The following ZNF474 variants were observed in gnomAD, a reference collection of about 807,000 sequenced individuals.
ZNF474 encodes the protein zinc finger protein 474.
For synonymous variants in ZNF474, 192 were observed against 162.2 expected, an observed-to-expected ratio of 1.18 and a Z score of -1.39; for missense variants, 511 against 433.8, an observed-to-expected ratio of 1.18 and a Z score of -1.58.
intron 1 of ZNF474, among the ~76,000 whole-genome samples, chr5:122,150,531 A>G (rs548553671): frequency 6.6e-6 from 1 of 152,252 alleles, no homozygotes; most frequent in Admixed American, 6.5e-5. Context: ...GTTTGCCGTG[A>G]TGTAGAGGAT....
chr5:122,134,837 G>GA (rs1272111384), intron 1 of ZNF474, among the ~76,000 whole-genome samples: 3 of 152,048 alleles, frequency 2.0e-5, no homozygotes, highest in Non-Finnish European at 2.9e-5. Context: ...TCTCTCCATA[G>GA]AAAAAAATCA....
At chr5:122,141,767 C>T (rs772477890) in intron 1 of ZNF474, among the ~76,000 whole-genome samples, 7 of 152,172 alleles carry the variant, frequency 4.6e-5, no homozygotes, top group Non-Finnish European at 8.8e-5. Flanking sequence ...CTTTTGGGGG[C>T]AGTAGGAGAG....
In ZNF474 at chr5:122,152,581, A is replaced by G. The variant is rs776551857; in HGVS notation, c.591A>G (p.Pro197=). 6.2e-7 allele frequency: 1 copy of G among 1,614,202 alleles called. No individual in the cohort carries two copies. The highest frequency in any genetic ancestry group is 1.1e-5 in the South Asian group (1 of 91,080). The change falls in exon 2 of 2, where the codon CCA becomes CCG. Residue 197 remains proline, a synonymous_variant. Transcript: ENST00000296600. The part of the protein sequence containing the change: ...CKPKGEGPRA[P]HSNSSDHLTG... ...CAAAGGGTGAGGGTCCCAGAGCACC[A>G]CACTCAAACAGTTCTGATCATCTTA... is the stretch of plus-strand genomic sequence containing the variant.
chr5:122,149,340 T>A (rs1238676869), intron 1 of ZNF474, among the ~76,000 whole-genome samples: 1 of 152,160 alleles, frequency 6.6e-6, no homozygotes, highest in African/African-American at 2.4e-5. Flanking sequence ...AACATTGTGT[T>A]CCATAGCCCC....
chr5:122,139,603 T>C (rs1033144559), intron 1 of ZNF474, among the ~76,000 whole-genome samples: 5 of 152,174 alleles, frequency 3.3e-5, no homozygotes, highest in African/African-American at 1.2e-4. Flanking sequence ...TTCCATATAA[T>C]TATGGTACTA....
At position 122,153,001 on chromosome 5, in the gene ZNF474, C is replaced by T. The variant is rs1165540829; in HGVS notation, c.1011C>T (p.Asn337=). ...ACACTAATTCCAAGCAGCAAAGGAA[C>T]AGGGCAGCACCCAGTGTAACTGATA... ...KEYTNSKQQR[N]RAAPSVTDKV... is the part of the protein sequence containing the mutation. Residue 337 remains asparagine (N), a synonymous_variant, in exon 2 of 2, where the codon AAC becomes AAT. Coordinates refer to ENST00000296600, the MANE Select transcript of ZNF474 (RefSeq NM_207317.3). 6.2e-7 allele frequency: 1 copy of T among 1,614,102 alleles called. No homozygotes were observed. The highest frequency in any genetic ancestry group is 2.2e-5 in the East Asian group (1 of 44,870).
At chr5:122,131,835 T>A (rs891628994) in intron 1 of ZNF474, among the ~76,000 whole-genome samples, 1 of 152,114 alleles carries the variant, frequency 6.6e-6, no homozygotes, top group African/African-American at 2.4e-5. Context: ...CATTTAACAT[T>A]TTTTCTTTTT....
rs1756225501 is a variant in ZNF474, at chr5:122,152,699, C to T, written c.709C>T (p.Pro237Ser). The T allele has an allele frequency of 6.2e-7, 1 of 1,614,178 alleles. No individual in the cohort carries two copies. Among genetic ancestry groups the T allele is most frequent in the Non-Finnish European group, 8.5e-7 (1 of 1,180,044 alleles). ...CGKEFGTLSL[P>S]IHEPKCLEKW... The stretch of plus-strand genomic sequence containing the variant: ...TAAGGAATTTGGCACCCTGTCCCTT[C>T]CTATTCATGAGCCCAAATGCCTGGA... Residue 237 changes from proline to serine, a missense_variant, in exon 2 of 2, where the codon CCT becomes TCT. Physicochemically the swap from Pro to Ser is moderately conservative, Grantham distance 74 (BLOSUM62 -1). Coordinates refer to ENST00000296600, the MANE Select transcript of ZNF474 (RefSeq NM_207317.3).
At chr5:122,132,177 T>G (rs187267707) in intron 1 of ZNF474, among the ~76,000 whole-genome samples, 1 of 152,260 alleles carries the variant, frequency 6.6e-6, no homozygotes, top group Non-Finnish European at 1.5e-5. Context: ...TCATTTGTAT[T>G]GTGAAACAAT....
In ZNF474 at chr5:122,152,089, C is replaced by T. The variant is rs760148728; in HGVS notation, c.99C>T (p.Leu33=). The change falls in exon 2 of 2, where the codon CTC becomes CTT. Residue 33 remains leucine, a synonymous_variant. Transcript: ENST00000296600. ...TCCTTATCAACCAAGCTGGGCTTCT[C>T]TCTAGTGACTCCTATTCTAGCCTTT... ...PTFLINQAGL[L]SSDSYSSLSP... The T allele has an allele frequency of 8.7e-6, 14 of 1,614,208 alleles. No homozygotes were observed. Among genetic ancestry groups the T allele is most frequent in the Non-Finnish European group, 1.2e-5 (14 of 1,180,032 alleles).
chr5:122,142,946 T>G (rs1755886690), intron 1 of ZNF474, among the ~76,000 whole-genome samples: 1 of 152,152 alleles, frequency 6.6e-6, no homozygotes, highest in Non-Finnish European at 1.5e-5. Context: ...CCAGCCTGCC[T>G]TATGGACTCT....
rs185030574 is a variant in ZNF474 at position 122,134,511 on chromosome 5, G to A, written c.-213+4828G>A. ...CCAAATGGTAAATAGTTAAGGGCTC[G>A]TAAGCCATACACTCTGCCATTGTAG... On this transcript the variant is annotated intron_variant, in intron 1 of 1. Coordinates refer to ENST00000296600, the MANE Select transcript of ZNF474 (RefSeq NM_207317.3). 3.3e-3 allele frequency among the ~76,000 whole-genome samples: 501 copies of A among 152,306 alleles called. 4 individuals are homozygous for A. The highest frequency in any genetic ancestry group is 0.011 in the African/African-American group (475 of 41,562).
rs759139646 is a variant in ZNF474, at chr5:122,152,163, C to A, written c.173C>A (p.Thr58Asn). The A allele has an allele frequency of 2.5e-5, 41 of 1,614,040 alleles. No individual in the cohort carries two copies. The highest frequency in any genetic ancestry group is 3.3e-4 in the Middle Eastern group (2 of 6,084). Residue 58 changes from threonine to asparagine, a missense_variant, in exon 2 of 2, where the codon ACT becomes AAT. Thr to Asn is a moderately conservative substitution (Grantham distance 65). Transcript: ENST00000296600. ...VNPGENIKTD[T>N]QKKRPGTVIL... is the part of the protein sequence containing the mutation. Reference sequence around the variant, plus strand: ...CCTGGTGAAAATATAAAGACAGACACTCAGAAAAAGAGACCTGGGACTGTG... The same window carrying A: ...CCTGGTGAAAATATAAAGACAGACAATCAGAAAAAGAGACCTGGGACTGTG...
At chr5:122,143,966 C>CT (rs2152605449) in intron 1 of ZNF474, among the ~76,000 whole-genome samples, 1 of 152,112 alleles carries the variant, frequency 6.6e-6, no homozygotes, top group East Asian at 1.9e-4. Flanking sequence ...TTGTGTTTTC[C>CT]TTTTTTTCTT....
chr5:122,152,804 G>A lies in ZNF474; in HGVS notation c.814G>A (p.Ala272Thr), dbSNP rs1580612591. ...LPQKPQPLPNAQSSQAGPNQA... is the reference protein window; with the variant it reads ...LPQKPQPLPNTQSSQAGPNQA... ...ACAGAAGCCTCAGCCCCTTCCGAAT[G>A]CACAGTCCAGCCAAGCGGGACCAAA... The change falls in exon 2 of 2, where the codon GCA becomes ACA. Residue 272 changes from alanine to threonine, a missense_variant. Ala to Thr is a moderately conservative substitution (Grantham distance 58, BLOSUM62 0). Coordinates refer to ENST00000296600, the MANE Select transcript of ZNF474 (RefSeq NM_207317.3). The A allele has an allele frequency of 6.2e-7, 1 of 1,614,128 alleles. No homozygotes were observed. Among genetic ancestry groups the A allele is most frequent in the Non-Finnish European group, 8.5e-7 (1 of 1,180,018 alleles).
Position 122,152,785 on chromosome 5 carries a change from G to A in ZNF474, c.795G>A (p.Lys265=). 3 of 1,614,154 alleles carry A rather than the reference G, an allele frequency of 1.9e-6. No individual in the cohort carries two copies. The highest frequency in any genetic ancestry group is 2.5e-6 in the Non-Finnish European group (3 of 1,180,030). The change falls in exon 2 of 2, where the codon AAG becomes AAA. Residue 265 remains lysine (K), a synonymous_variant. Transcript: ENST00000296600. ...AGCTCCACCAGCCACTCCCACAGAAGCCTCAGCCCCTTCCGAATGCACAGT... is the reference window on the plus strand; with the variant it reads ...AGCTCCACCAGCCACTCCCACAGAAACCTCAGCCCCTTCCGAATGCACAGT... ...PVELHQPLPQ[K]PQPLPNAQSS...
Position 122,152,141 on chromosome 5 carries a change from G to A in ZNF474, c.151G>A (p.Gly51Ser), listed in dbSNP as rs1357430784. The change falls in exon 2 of 2, where the codon GGT (glycine) becomes AGT (serine). Residue 51 changes from glycine (G) to serine (S), a missense_variant. Coordinates refer to ENST00000296600, the MANE Select transcript of ZNF474 (RefSeq NM_207317.3). ...LSPETESVNP[G>S]ENIKTDTQKK... Reference sequence around the variant, plus strand: ...CCCAGAAACAGAGAGTGTTAATCCTGGTGAAAATATAAAGACAGACACTCA... The same window carrying A: ...CCCAGAAACAGAGAGTGTTAATCCTAGTGAAAATATAAAGACAGACACTCA... 3 of 1,614,040 alleles carry A rather than the reference G, an allele frequency of 1.9e-6. No homozygotes were observed. Among genetic ancestry groups the A allele is most frequent in the African/African-American group, 2.7e-5 (2 of 75,020 alleles).
intron 1 of ZNF474, among the ~76,000 whole-genome samples, chr5:122,133,057 T>A (rs1259930015): frequency 2.0e-5 from 3 of 152,190 alleles, no homozygotes; most frequent in Non-Finnish European, 4.4e-5. Flanking sequence ...TAAGTGATTC[T>A]GTAATAAGCA....
intron 1 of ZNF474, among the ~76,000 whole-genome samples, chr5:122,134,608 G>A (rs1440587674): frequency 6.6e-6 from 1 of 152,058 alleles, no homozygotes. Context: ...ATTTACAAAA[G>A]AGCTGAACGA....
Sources: gnomAD v4.1 joint callset for allele counts (sites outside exome capture counted in the v4.1 genomes callset) on GRCh38, gnomAD v4.1.1 for gene constraint, MANE v1.5 for transcripts, NCBI Gene and HGNC (gene_info 2026-07-23, HGNC 2026-07-21) for gene names.